The following PHKB variants were observed in gnomAD, a reference collection of about 807,000 sequenced individuals.
PHKB encodes phosphorylase b kinase regulatory subunit beta.
PHKB carries 122 observed loss-of-function variants against 152.1 expected under a neutral mutation model. The observed-to-expected ratio is 0.80, with a 90% CI of 0.69 to 0.93. The LOEUF (loss-of-function observed/expected upper bound fraction) is 0.93. Ranked by LOEUF, PHKB falls within the 40% of genes least tolerant of loss-of-function variation. The probability of loss-of-function intolerance (pLI) is 0.00; values close to 1 mark genes in which losing one functional copy is unlikely to be tolerated. For synonymous variants in PHKB, 436 were observed against 464.9 expected (o/e 0.94, Z 0.80); for missense variants, 1,304 against 1,328.4 (o/e 0.98, Z 0.29).
intron 6 of PHKB, among the ~76,000 whole-genome samples, chr16:47,516,581 C>A (rs1970601567): frequency 6.6e-6 from 1 of 152,100 alleles, no homozygotes; most frequent in South Asian, 2.1e-4. Flanking sequence ...CTATTCCTCT[C>A]CTGTGATCCA....
chr16:47,468,749 G>T (rs926819273), intron 1 of PHKB, among the ~76,000 whole-genome samples: 1 of 152,194 alleles, frequency 6.6e-6, no homozygotes, highest in Admixed American at 6.5e-5. Context: ...CTGCCCCTCT[G>T]ACCTCCTCAC....
chr16:47,546,731 A>G lies in PHKB; in HGVS notation c.595-702A>G, dbSNP rs577040256. On this transcript the variant is annotated intron_variant, in intron 6 of 30. Coordinates refer to ENST00000323584, the MANE Select transcript of PHKB (RefSeq NM_000293.3). ...CCCCACAAGTGGAGTCTACAGAAGC[A>G]GGGGTCCTCCTTGAGCTGTGGTGGG... Among the ~76,000 whole-genome samples the G allele has an allele frequency of 3.9e-5, 6 of 152,262 alleles. No homozygotes were observed. The East Asian group carries it at 1.2e-3, about 29-fold the overall frequency.
chr16:47,512,271 C>T (rs1443583976), intron 5 of PHKB, among the ~76,000 whole-genome samples: 2 of 152,132 alleles, frequency 1.3e-5, no homozygotes, highest in Non-Finnish European at 1.5e-5. Context: ...GAAATGGCAG[C>T]CACCAGGGCT....
At chr16:47,464,281 A>G (rs1160132261) in intron 1 of PHKB, 2 of 432,826 alleles carry the variant, frequency 4.6e-6, no homozygotes, top group African/African-American at 2.0e-5. Context: ...AAATGTGCAC[A>G]TAGCATATTT....
At chr16:47,657,581 C>T (rs1597156035) in intron 20 of PHKB, among the ~76,000 whole-genome samples, 1 of 151,740 alleles carries the variant, frequency 6.6e-6, no homozygotes, top group South Asian at 2.1e-4. Flanking sequence ...ATGCTTTTTC[C>T]AATACTAATA....
intron 28 of PHKB, among the ~76,000 whole-genome samples, chr16:47,696,136 C>T (rs1010400092): frequency 2.0e-5 from 3 of 148,464 alleles, no homozygotes; most frequent in African/African-American, 5.2e-5. Flanking sequence ...CTAACATAGT[C>T]CTTTTTCTCA....
chr16:47,549,147 C>A (rs1481145166), intron 7 of PHKB, among the ~76,000 whole-genome samples: 1 of 152,058 alleles, frequency 6.6e-6, no homozygotes, highest in Non-Finnish European at 1.5e-5. Context: ...CAGATTCTGG[C>A]AAATACTAAA....
Position 47,681,618 on chromosome 16 carries a change from G to T in PHKB, c.2631-7423G>T, listed in dbSNP as rs545828467. On this transcript the variant is annotated intron_variant, in intron 26 of 30. Transcript: ENST00000323584. ...CCCTGCCTTTTTTTGTTTTCCATTT[G>T]CTTGGTAGATCTTCCTCCATCCCTT... 7.1e-3 allele frequency among the ~76,000 whole-genome samples: 1,085 copies of T among 151,826 alleles called. 11 individuals carry two copies. The highest frequency in any genetic ancestry group is 0.025 in the African/African-American group (1,051 of 41,462).
intron 6 of PHKB, among the ~76,000 whole-genome samples, chr16:47,516,619 C>T (rs766164735): frequency 4.3e-4 from 66 of 152,160 alleles, no homozygotes; most frequent in Non-Finnish European, 8.5e-4. Context: ...ACATCAGACA[C>T]TCAACACCAA....
intron 6 of PHKB, among the ~76,000 whole-genome samples, chr16:47,522,524 C>T (rs1970701731): frequency 6.6e-6 from 1 of 150,910 alleles, no homozygotes; most frequent in African/African-American, 2.4e-5. Flanking sequence ...TTATTTTTCT[C>T]TTCTCCATTT....
intron 7 of PHKB, among the ~76,000 whole-genome samples, chr16:47,576,071 T>G (rs1219792293): frequency 6.6e-6 from 1 of 151,970 alleles, no homozygotes; most frequent in Non-Finnish European, 1.5e-5. Context: ...AGCGAAACTC[T>G]GTCTCAAAAA....
At chr16:47,491,279 A>G (rs1249303589) in intron 1 of PHKB, among the ~76,000 whole-genome samples, 1 of 152,196 alleles carries the variant, frequency 6.6e-6, no homozygotes, top group Non-Finnish European at 1.5e-5. Flanking sequence ...AGACATATAG[A>G]ACTATGTCTA....
chr16:47,615,100 A>G (rs544295442), intron 14 of PHKB, among the ~76,000 whole-genome samples: 69 of 152,248 alleles, frequency 4.5e-4, no homozygotes, highest in Non-Finnish European at 9.6e-4. Context: ...TGTCAGTTCA[A>G]ATTTGTTTCC....
intron 6 of PHKB, among the ~76,000 whole-genome samples, chr16:47,526,225 A>G (rs1287941534): frequency 2.0e-5 from 3 of 152,030 alleles, no homozygotes; most frequent in Non-Finnish European, 2.9e-5. Context: ...CCTGGCCAAC[A>G]TGGTGAAACC....
At chr16:47,537,632 T>C (rs1319623259) in intron 6 of PHKB, among the ~76,000 whole-genome samples, 18 of 152,160 alleles carry the variant, frequency 1.2e-4, no homozygotes, top group Admixed American at 1.2e-3. Context: ...ATATAAATTT[T>C]ATTGAACAGT....
chr16:47,546,303 G>C (rs1232307507), intron 6 of PHKB, among the ~76,000 whole-genome samples: 1 of 152,164 alleles, frequency 6.6e-6, no homozygotes, highest in Non-Finnish European at 1.5e-5. Context: ...TGATGTCGAT[G>C]CTATTCCTTT....
chr16:47,473,818 A>G (rs904144972), intron 1 of PHKB, among the ~76,000 whole-genome samples: 1 of 152,204 alleles, frequency 6.6e-6, no homozygotes, highest in Non-Finnish European at 1.5e-5. Context: ...TTGGATAATT[A>G]AATCAGGCTA....
chr16:47,501,588 A>G (rs1417102697), intron 3 of PHKB, among the ~76,000 whole-genome samples: 2 of 152,160 alleles, frequency 1.3e-5, no homozygotes, highest in South Asian at 2.1e-4. Flanking sequence ...GTGAAGGGTC[A>G]TGATGTTCGT....
At chr16:47,591,591 T>C (rs1249114262) in intron 10 of PHKB, among the ~76,000 whole-genome samples, 1 of 152,114 alleles carries the variant, frequency 6.6e-6, no homozygotes, top group East Asian at 1.9e-4. Flanking sequence ...TCTTAAACCT[T>C]GCTCTTCTCC....
Sources: gnomAD v4.1 joint callset for allele counts (sites outside exome capture counted in the v4.1 genomes callset) on GRCh38, gnomAD v4.1.1 for gene constraint, MANE v1.5 for transcripts, NCBI Gene and HGNC (gene_info 2026-07-23, HGNC 2026-07-21) for gene names.